The following N4BP3 variants were observed in gnomAD, a reference collection of about 807,000 sequenced individuals.
N4BP3 encodes the protein NEDD4-binding protein 3.
A neutral mutation model predicts 43.8 loss-of-function variants in N4BP3; 33 were observed. That is an observed-to-expected ratio of 0.75 (90% CI 0.57 to 1.01). The LOEUF is 1.01. Among genes scored for constraint, N4BP3 ranks in the 50% least tolerant of loss-of-function variants. The pLI is 0.00. For missense variants in N4BP3, 756 were observed against 744.2 expected (o/e 1.02, Z -0.18); for synonymous variants, 326 against 321.9 (o/e 1.01, Z -0.14).
chr5:178,120,344 AG>A lies in N4BP3; in HGVS notation c.499del (p.Ala167ProfsTer11). 3 of 1,607,138 alleles carry A rather than the reference AG, an allele frequency of 1.9e-6. No individual in the cohort carries two copies. Among genetic ancestry groups the A allele is most frequent in the Non-Finnish European group, 2.6e-6 (3 of 1,175,980 alleles). ...CTGAGCCCCGGGCCCCGGGCCAGCC[AG>A]GCCCGGGCACAGCTGCTGCACGCCC... ...PPLSPGPRASQARAQLLHALS... is the reference protein window; with the variant it reads ...PPLSPGPRASXARAQLLHALS... On this transcript the variant is annotated frameshift_variant, in exon 3 of 5. Coordinates refer to ENST00000274605, the MANE Select transcript of N4BP3 (RefSeq NM_015111.2). LOFTEE classifies it high-confidence loss of function.
At position 178,121,316 on chromosome 5, in the gene N4BP3, C is replaced by CCCT; in HGVS notation, c.1073_1074insTCC (p.Pro358dup). The stretch of plus-strand genomic sequence containing the variant: ...CCCCCGGCACCCTCCCAGAGGCTGA[C>CCCT]CCCAGTGCACGACCAGAGGAGGAAG... On this transcript the variant is annotated inframe_insertion, in exon 4 of 5. Coordinates refer to ENST00000274605, the MANE Select transcript of N4BP3 (RefSeq NM_015111.2). 1.2e-6 allele frequency: 2 copies of CCCT among 1,603,892 alleles called. No individual in the cohort carries two copies. The highest frequency in any genetic ancestry group is 1.7e-6 in the Non-Finnish European group (2 of 1,173,996).
At chr5:178,113,954 G>A (rs954724399) in intron 1 of N4BP3, among the ~76,000 whole-genome samples, 183 bp downstream of exon 1, 40 of 152,210 alleles carry the variant, frequency 2.6e-4, no homozygotes, top group Admixed American at 1.9e-3. Flanking sequence ...GGTGTCCCCT[G>A]CTCCCGGTCA....
chr5:178,115,851 G>A lies in N4BP3; in HGVS notation c.-31+2080G>A, dbSNP rs556906724. Among the ~76,000 whole-genome samples the A allele has an allele frequency of 1.7e-4, 26 of 152,308 alleles. 1 individual carries two copies. In the South Asian group the frequency reaches 5.4e-3, roughly 32 times the overall value. Reference sequence around the variant, plus strand: ...ATTGGTCCGAAAGCAATTCCTCTCCGTGTTCAGAGATTCCAGTGCTGCCTG... The same window carrying A: ...ATTGGTCCGAAAGCAATTCCTCTCCATGTTCAGAGATTCCAGTGCTGCCTG... On this transcript the variant is annotated intron_variant, in intron 1 of 4. Coordinates refer to ENST00000274605, the MANE Select transcript of N4BP3 (RefSeq NM_015111.2).
In N4BP3 at chr5:178,118,404, G is replaced by T. The variant is rs1757821756; in HGVS notation, c.-30-1150G>T. Among the ~76,000 whole-genome samples, 1 of 152,218 alleles carries T rather than the reference G, an allele frequency of 6.6e-6. No homozygotes were observed. Among genetic ancestry groups the T allele is most frequent in the Non-Finnish European group, 1.5e-5 (1 of 68,034 alleles). ...TTGTCGCCAGGGTGTGTGTGCGGAA[G>T]TCCAGGCTCACTGAGGTTAGTGGCT... is the stretch of plus-strand genomic sequence containing the variant. On this transcript the variant is annotated intron_variant, in intron 1 of 4. Coordinates refer to ENST00000274605, the MANE Select transcript of N4BP3 (RefSeq NM_015111.2). The surrounding 1 kb of genome is among the most constrained non-coding windows in gnomAD (Gnocchi z 5.4).
chr5:178,122,649 C>G lies in N4BP3; in HGVS notation c.*648C>G, dbSNP rs1288008342. On this transcript the variant is annotated 3_prime_UTR_variant, in exon 5 of 5. Coordinates refer to ENST00000274605, the MANE Select transcript of N4BP3 (RefSeq NM_015111.2). ...CTTTCTTTAGCACCAGTGGAGTTTT[C>G]AGAAGGAACAACACCAGGGAATGCC... is the stretch of plus-strand genomic sequence containing the variant. The G allele has an allele frequency of 2.0e-5, 3 of 152,204 alleles. No homozygotes were observed. The highest frequency in any genetic ancestry group is 7.2e-5 in the African/African-American group (3 of 41,444). 9.4% of individuals were successfully genotyped at this position (152,204 alleles called of 1,614,324 possible).
chr5:178,116,906 C>T (rs1036205990), intron 1 of N4BP3, among the ~76,000 whole-genome samples: 14 of 152,234 alleles, frequency 9.2e-5, no homozygotes, highest in African/African-American at 2.9e-4. Flanking sequence ...GCCCTTTCCC[C>T]TCCATCTCTG....
rs371228207 is a variant in N4BP3 at position 178,118,419 on chromosome 5, G to C, written c.-30-1135G>C. Among the ~76,000 whole-genome samples the C allele has an allele frequency of 6.6e-6, 1 of 152,206 alleles. No individual in the cohort carries two copies. Among genetic ancestry groups the C allele is most frequent in the African/African-American group, 2.4e-5 (1 of 41,436 alleles). On this transcript the variant is annotated intron_variant, in intron 1 of 4. Coordinates refer to ENST00000274605, the MANE Select transcript of N4BP3 (RefSeq NM_015111.2). This position sits in a 1 kb window ranked among gnomAD's most constrained non-coding sequence, Gnocchi z 5.4. ...GTGTGCGGAAGTCCAGGCTCACTGAGGTTAGTGGCTTGGCCGGGGTCACAC... is the reference window on the plus strand; with the variant it reads ...GTGTGCGGAAGTCCAGGCTCACTGACGTTAGTGGCTTGGCCGGGGTCACAC...
chr5:178,119,849 G>C lies in N4BP3; in HGVS notation c.266G>C (p.Arg89Pro), dbSNP rs778323932. Residue 89 changes from arginine (R) to proline (P), a missense_variant, in exon 2 of 5, where the codon CGG becomes CCG. Coordinates refer to ENST00000274605, the MANE Select transcript of N4BP3 (RefSeq NM_015111.2). ...GCCGACTATGCCACCCTCTACTACC[G>C]GGAACATTCTCGCGCGGGTGACTTC... ...EPADYATLYYREHSRAGDFSK... is the reference protein window; with the variant it reads ...EPADYATLYYPEHSRAGDFSK... 62 of 1,612,822 alleles carry C rather than the reference G, an allele frequency of 3.8e-5. No individual in the cohort carries two copies. In the East Asian group the frequency reaches 1.3e-3, roughly 34 times the overall value.
chr5:178,117,888 G>T (rs1049449709), intron 1 of N4BP3, among the ~76,000 whole-genome samples: 1 of 152,096 alleles, frequency 6.6e-6, no homozygotes, highest in African/African-American at 2.4e-5. Flanking sequence ...GTTGGGGCAG[G>T]TCCCCCTCCC....
chr5:178,114,967 C>T (rs1371237270), intron 1 of N4BP3, among the ~76,000 whole-genome samples: 1 of 152,166 alleles, frequency 6.6e-6, no homozygotes, highest in South Asian at 2.1e-4. Context: ...GAGGGGAACC[C>T]GTGACCCCTG....
chr5:178,119,334 C>A lies in N4BP3; in HGVS notation c.-30-220C>A, dbSNP rs942020321. ...CCATTGCTCTTCCTTAGACTCAGTC[C>A]AGCAAGTGACAGATGGGCAGGTGGC... On this transcript the variant is annotated intron_variant, in intron 1 of 4. Transcript: ENST00000274605. 3.3e-5 allele frequency among the ~76,000 whole-genome samples: 5 copies of A among 152,316 alleles called. No individual in the cohort carries two copies. In the East Asian group the frequency reaches 9.6e-4, roughly 29 times the overall value.
chr5:178,115,403 C>T (rs1757749830), intron 1 of N4BP3, among the ~76,000 whole-genome samples: 1 of 152,126 alleles, frequency 6.6e-6, no homozygotes, highest in Non-Finnish European at 1.5e-5. Flanking sequence ...GCAGACACGC[C>T]CCTTAGCAGA....
intron 1 of N4BP3, among the ~76,000 whole-genome samples, chr5:178,117,638 A>AAAG (rs148196961): frequency 0.51 from 55,624 of 108,162 alleles, 16,864 homozygotes; most frequent in East Asian, 0.69. Flanking sequence ...AAAAAAAAAA[A>AAAG]GAAGGGACAA....
At chr5:178,121,017 C>T in intron 3 of N4BP3, 81 bp from the exon 4 acceptor site, 2 of 1,505,310 alleles carry the variant, frequency 1.3e-6, no homozygotes, top group Non-Finnish European at 1.8e-6. Flanking sequence ...AGGATATGAT[C>T]AGTGGCTGGA....
intron 1 of N4BP3, among the ~76,000 whole-genome samples, chr5:178,116,013 G>T (rs981541814): frequency 6.6e-6 from 1 of 152,158 alleles, no homozygotes; most frequent in Non-Finnish European, 1.5e-5. Flanking sequence ...CTGTGTGGCT[G>T]GGGGTTTGCC....
chr5:178,121,043 C>T (rs1757906777), intron 3 of N4BP3, 55 bp from the exon 4 acceptor site: 2 of 1,559,304 alleles, frequency 1.3e-6, no homozygotes, highest in East Asian at 2.3e-5. Flanking sequence ...AGGTGGAGCT[C>T]TGAGTCGCCT....
At position 178,120,518 on chromosome 5, in the gene N4BP3, G is replaced by A. The variant is rs769576239; in HGVS notation, c.671G>A (p.Arg224Gln). Residue 224 changes from arginine (R) to glutamine (Q), a missense_variant, in exon 3 of 5, where the codon CGG (arginine) becomes CAG (glutamine). Arg to Gln is a conservative substitution (Grantham distance 43). Coordinates refer to ENST00000274605, the MANE Select transcript of N4BP3 (RefSeq NM_015111.2). Reference sequence around the variant, plus strand: ...AACCACCTCGGGGGCTCCCTGGACCGGGCCTCTCAAGGACCCAAGGAGGCT... The same window carrying A: ...AACCACCTCGGGGGCTCCCTGGACCAGGCCTCTCAAGGACCCAAGGAGGCT... ...HLNHLGGSLDRASQGPKEAGP... is the reference protein window; with the variant it reads ...HLNHLGGSLDQASQGPKEAGP... 14 of 1,612,950 alleles carry A rather than the reference G, an allele frequency of 8.7e-6. No homozygotes were observed. Among genetic ancestry groups the A allele is most frequent in the South Asian group, 6.6e-5 (6 of 91,088 alleles).
rs1197165233 is a variant in N4BP3 at position 178,118,294 on chromosome 5, A to AC, written c.-30-1257dup. On this transcript the variant is annotated intron_variant, in intron 1 of 4. Coordinates refer to ENST00000274605, the MANE Select transcript of N4BP3 (RefSeq NM_015111.2). This position sits in a 1 kb window ranked among gnomAD's most constrained non-coding sequence, Gnocchi z 5.4. ...GAGCTCGGCTCCAGCCAGCCTGTTG[A>AC]CCCTGGCTGTGGCCCAGGCCCTGAA... 1.3e-5 allele frequency among the ~76,000 whole-genome samples: 2 copies of AC among 151,946 alleles called. No homozygotes were observed. Among genetic ancestry groups the AC allele is most frequent in the Non-Finnish European group, 2.9e-5 (2 of 67,974 alleles).
intron 1 of N4BP3, among the ~76,000 whole-genome samples, chr5:178,119,243 C>T (rs574174336): frequency 4.7e-4 from 71 of 152,236 alleles, no homozygotes; most frequent in Non-Finnish European, 9.1e-4. Context: ...CCTATCCCCT[C>T]CCGGTACTTC....
Sources: allele counts gnomAD v4.1 joint callset (sites outside exome capture counted in the v4.1 genomes callset), GRCh38; gene constraint gnomAD v4.1.1; non-coding constraint Gnocchi (gnomAD v3.1); transcripts MANE v1.5; gene names NCBI Gene and HGNC (gene_info 2026-07-23, HGNC 2026-07-21).